CELF4: variants seen among roughly 807,000 people sequenced by gnomAD.
The protein encoded by CELF4 is CUG-BP- and ETR-3-like factor 4.
CELF4 carries 18 observed loss-of-function variants against 59.9 expected under a neutral mutation model. That is an observed-to-expected ratio of 0.30 (90% CI 0.21 to 0.45). CELF4 has a LOEUF of 0.45. CELF4 is among the 20% of genes least tolerant of loss of function. CELF4 has a pLI of 1.00. For synonymous variants in CELF4, 261 were observed against 267.1 expected, an observed-to-expected ratio of 0.98 and a Z score of 0.22; for missense variants, 456 against 689.0, an observed-to-expected ratio of 0.66 and a Z score of 3.79.
chr18:37,547,161 G>T (rs976811896), intron 1 of CELF4, among the ~76,000 whole-genome samples: 1 of 424 alleles, frequency 2.4e-3, no homozygotes, highest in African/African-American at 4.2e-3. Context: ...TGTGTGTGTG[G>T]TGTGTGTGTG....
At chr18:37,389,948 A>G (rs746161229) in intron 2 of CELF4, among the ~76,000 whole-genome samples, 5 of 152,188 alleles carry the variant, frequency 3.3e-5, no homozygotes, top group Non-Finnish European at 5.9e-5. Context: ...CACGCTGCAC[A>G]GATCCTTCAG....
intron 2 of CELF4, among the ~76,000 whole-genome samples, chr18:37,355,497 G>A (rs992635061): frequency 1.3e-5 from 2 of 151,976 alleles, no homozygotes; most frequent in African/African-American, 4.8e-5. Flanking sequence ...ACATGGAGAA[G>A]CCCTGTCTCT....
At chr18:37,382,490 T>G (rs1171389708) in intron 2 of CELF4, among the ~76,000 whole-genome samples, 1 of 152,152 alleles carries the variant, frequency 6.6e-6, no homozygotes, top group African/African-American at 2.4e-5. Flanking sequence ...TCACCATGTA[T>G]CCTGGGCACT....
At chr18:37,552,780 G>A (rs1267779267) in intron 1 of CELF4, among the ~76,000 whole-genome samples, 5 of 152,248 alleles carry the variant, frequency 3.3e-5, no homozygotes, top group Admixed American at 1.3e-4. Context: ...CAGCCTGCAT[G>A]TTTGGCCCTT....
At chr18:37,561,564 T>G (rs535431337) in intron 1 of CELF4, among the ~76,000 whole-genome samples, 1 of 152,322 alleles carries the variant, frequency 6.6e-6, no homozygotes, top group East Asian at 1.9e-4. Flanking sequence ...ACCAAAGTTA[T>G]GAATGGATTG....
chr18:37,551,625 G>A (rs1386857481), intron 1 of CELF4, among the ~76,000 whole-genome samples: 7 of 152,292 alleles, frequency 4.6e-5, no homozygotes, highest in South Asian at 2.1e-4. Flanking sequence ...TGTATTGCTC[G>A]GGATGTTCAG....
intron 1 of CELF4, among the ~76,000 whole-genome samples, chr18:37,513,801 T>G (rs564194235): frequency 6.6e-6 from 1 of 152,274 alleles, no homozygotes; most frequent in African/African-American, 2.4e-5. Context: ...CCCTCCTCTA[T>G]GGAGCCTCCC....
chr18:37,528,434 T>C (rs1263945962), intron 1 of CELF4, among the ~76,000 whole-genome samples: 2 of 152,218 alleles, frequency 1.3e-5, no homozygotes, highest in Non-Finnish European at 2.9e-5. Context: ...AAATGTCTTA[T>C]CGGTGGGGGG....
Position 37,245,045 on chromosome 18 carries a change from T to C in CELF4, c.*197A>G, listed in dbSNP as rs1225063692. Reference sequence around the variant, plus strand: ...GAACTCCATAGACGCTATACTTTCCTTGAAGAAATGTTACAGTCACACAGA... The same window carrying C: ...GAACTCCATAGACGCTATACTTTCCCTGAAGAAATGTTACAGTCACACAGA... On this transcript the variant is annotated 3_prime_UTR_variant, in exon 13 of 13. Coordinates refer to ENST00000420428, the MANE Select transcript of CELF4 (RefSeq NM_020180.4). This position sits in a 1 kb window ranked among gnomAD's most constrained non-coding sequence, Gnocchi z 4.1. 6.6e-6 allele frequency: 1 copy of C among 152,582 alleles called. No individual in the cohort carries two copies. Among genetic ancestry groups the C allele is most frequent in the Non-Finnish European group, 1.5e-5 (1 of 68,046 alleles). 9.5% of individuals were successfully genotyped at this position (152,582 alleles called of 1,614,324 possible). A position where few individuals can be genotyped will look rare whatever the true frequency, so the allele number is the denominator to read the frequency against.
chr18:37,483,958 C>A (rs1364023912), intron 2 of CELF4, among the ~76,000 whole-genome samples: 1 of 152,122 alleles, frequency 6.6e-6, no homozygotes, highest in East Asian at 1.9e-4. Flanking sequence ...ATGTTAGATC[C>A]TCAACAATCC....
At position 37,533,284 on chromosome 18, in the gene CELF4, G is replaced by A. The variant is rs534620058; in HGVS notation, c.286+32072C>T. ...GAGTGTGAGTAGGGAACCCCAGAGA[G>A]GAGACTGGATTTGCTGAGCCACACA... On this transcript the variant is annotated intron_variant, in intron 1 of 12. Transcript: ENST00000420428. Among the ~76,000 whole-genome samples the A allele has an allele frequency of 3.3e-5, 5 of 152,354 alleles. No individual in the cohort carries two copies. The East Asian group carries it at 7.7e-4, about 24-fold the overall frequency.
chr18:37,554,328 G>C (rs2099984145), intron 1 of CELF4, among the ~76,000 whole-genome samples: 1 of 152,138 alleles, frequency 6.6e-6, no homozygotes, highest in Non-Finnish European at 1.5e-5. Flanking sequence ...GACCCTGACT[G>C]TGCAGAGGCC....
chr18:37,479,953 G>A (rs948994404), intron 2 of CELF4, among the ~76,000 whole-genome samples: 2 of 152,184 alleles, frequency 1.3e-5, no homozygotes, highest in Admixed American at 6.5e-5. Flanking sequence ...CAGAGGGAAC[G>A]CCATCTACAA....
At chr18:37,404,929 C>T (rs1186897312) in intron 2 of CELF4, among the ~76,000 whole-genome samples, 1 of 152,204 alleles carries the variant, frequency 6.6e-6, no homozygotes, top group Non-Finnish European at 1.5e-5. Context: ...TTCTGTCCCA[C>T]CCTCTAAAAT....
chr18:37,436,288 C>G (rs555514724), intron 2 of CELF4, among the ~76,000 whole-genome samples: 2 of 152,214 alleles, frequency 1.3e-5, no homozygotes, highest in Non-Finnish European at 2.9e-5. Context: ...TCGAGATGCC[C>G]TCAAATGCTC....
intron 2 of CELF4, among the ~76,000 whole-genome samples, chr18:37,385,717 A>T (rs919867010): frequency 6.6e-6 from 1 of 152,192 alleles, no homozygotes; most frequent in South Asian, 2.1e-4. Flanking sequence ...TGTGCCACAC[A>T]CCTACAGTTT....
intron 3 of CELF4, among the ~76,000 whole-genome samples, chr18:37,279,208 G>C (rs2093798750): frequency 6.6e-6 from 1 of 152,200 alleles, no homozygotes; most frequent in African/African-American, 2.4e-5. Flanking sequence ...TTGGGGAGCT[G>C]CCCCTCTGAA....
At chr18:37,450,331 T>C (rs1357279351) in intron 2 of CELF4, among the ~76,000 whole-genome samples, 1 of 151,896 alleles carries the variant, frequency 6.6e-6, no homozygotes, top group Non-Finnish European at 1.5e-5. Flanking sequence ...CTCTTTGTGC[T>C]ATACGTCTCT....
At chr18:37,533,398 C>T (rs2099971043) in intron 1 of CELF4, among the ~76,000 whole-genome samples, 1 of 152,122 alleles carries the variant, frequency 6.6e-6, no homozygotes, top group East Asian at 1.9e-4. Flanking sequence ...TGTCTTGGCC[C>T]CTCAACCTCC....
Sources: gnomAD v4.1 joint callset for allele counts (sites outside exome capture counted in the v4.1 genomes callset) on GRCh38, gnomAD v4.1.1 for gene constraint, Gnocchi (gnomAD v3.1) non-coding constraint, MANE v1.5 for transcripts, NCBI Gene and HGNC (gene_info 2026-07-23, HGNC 2026-07-21) for gene names.